M1AP: variants seen among roughly 807,000 people sequenced by gnomAD.
The protein encoded by M1AP is meiosis 1 arrest protein.
Under a neutral mutation model 51.2 loss-of-function variants are expected in M1AP, and 39 were observed. The ratio of observed to expected loss-of-function variants is 0.76; its 90% confidence interval spans 0.59 to 1.00. The LOEUF is 1.00. Among genes scored for constraint, M1AP ranks in the 50% least tolerant of loss-of-function variants. The pLI, the probability that M1AP is intolerant of heterozygous loss-of-function variation, is 0.00. For synonymous variants in M1AP, 251 were observed against 249.2 expected, an observed-to-expected ratio of 1.01 and a Z score of -0.07; for missense variants, 545 against 641.2, an observed-to-expected ratio of 0.85 and a Z score of 1.62.
chr2:74,608,601 A>G (rs1681151355), intron 3 of M1AP, among the ~76,000 whole-genome samples: 4 of 152,256 alleles, frequency 2.6e-5, no homozygotes, highest in Admixed American at 2.0e-4. Context: ...GTAAATACCA[A>G]GAAGCATGAT....
chr2:74,564,983 A>C (rs1046299842), intron 7 of M1AP, among the ~76,000 whole-genome samples: 4 of 152,174 alleles, frequency 2.6e-5, no homozygotes, highest in African/African-American at 9.7e-5. Context: ...CACTTTGGGA[A>C]GCTGAGGCGG....
At chr2:74,614,012 C>A (rs1422621045) in intron 3 of M1AP, among the ~76,000 whole-genome samples, 1 of 152,190 alleles carries the variant, frequency 6.6e-6, no homozygotes, top group African/African-American at 2.4e-5. Context: ...CTCTTGAACT[C>A]CTGGCCTCAA....
intron 1 of M1AP, chr2:74,647,989 G>C: frequency 1.0e-6 from 1 of 984,538 alleles, no homozygotes; most frequent in Non-Finnish European, 1.2e-6. Flanking sequence ...TGGCGGATCA[G>C]CAGCCCGGCC....
At chr2:74,611,885 T>TTTC (rs1681373485) in intron 3 of M1AP, among the ~76,000 whole-genome samples, 5 of 63,740 alleles carry the variant, frequency 7.8e-5, no homozygotes, top group Admixed American at 1.6e-4. Flanking sequence ...AAAAAGTGTT[T>TTTC]TTTTTTTTTT....
intron 2 of M1AP, among the ~76,000 whole-genome samples, chr2:74,624,526 G>A (rs1439259495): frequency 6.6e-6 from 1 of 152,040 alleles, no homozygotes; most frequent in Non-Finnish European, 1.5e-5. Flanking sequence ...TGCAGTTTAG[G>A]GAGGGGATTA....
At chr2:74,589,597 C>T (rs1202128154) in intron 4 of M1AP, among the ~76,000 whole-genome samples, 5 of 152,172 alleles carry the variant, frequency 3.3e-5, no homozygotes, top group Admixed American at 6.5e-5. Flanking sequence ...CCAGCTTTAC[C>T]GCTTATGCTT....
At position 74,576,503 on chromosome 2, in the gene M1AP, C is replaced by T. The variant is rs760700924; in HGVS notation, c.885G>A (p.Gln295=). Residue 295 remains glutamine, a synonymous_variant, in exon 6 of 11, where the codon CAG becomes CAA. Transcript: ENST00000421985. ...DPKGDFITLY[Q]MASQSSASHY... The stretch of plus-strand genomic sequence containing the variant: ...GAGAGGCCGATGACTGGGAAGCCAT[C>T]TGGTAGAGTGTGATGAAGTCTCCTT... The T allele has an allele frequency of 6.2e-7, 1 of 1,614,054 alleles. No individual in the cohort carries two copies. The highest frequency in any genetic ancestry group is 1.7e-5 in the Admixed American group (1 of 60,004).
intron 8 of M1AP, 67 bp from the exon 9 acceptor site, chr2:74,560,358 C>T (rs1313713947): frequency 2.3e-5 from 35 of 1,499,504 alleles, no homozygotes; most frequent in Admixed American, 8.7e-5. Flanking sequence ...TGTCAGGTAG[C>T]GATCCAGGAG....
At chr2:74,618,778 CA>C in intron 2 of M1AP, 1 of 261,750 alleles carries the variant, frequency 3.8e-6, no homozygotes, top group South Asian at 3.6e-5. Context: ...AAGAAGTCTT[CA>C]AAATGCCTCT....
intron 7 of M1AP, among the ~76,000 whole-genome samples, chr2:74,568,634 C>T (rs945847773): frequency 2.0e-5 from 3 of 152,208 alleles, no homozygotes; most frequent in African/African-American, 7.2e-5. Flanking sequence ...CCCCCAAACA[C>T]ATTTGCCAAA....
At chr2:74,595,343 C>T (rs1680267791) in intron 4 of M1AP, among the ~76,000 whole-genome samples, 1 of 151,960 alleles carries the variant, frequency 6.6e-6, no homozygotes, top group African/African-American at 2.4e-5. Flanking sequence ...TACATGTTTG[C>T]TTAAAGGCAA....
chr2:74,563,380 C>G lies in M1AP; in HGVS notation c.1075-957G>C, dbSNP rs566279917. ...TTGGGAGGCTGAGGCGGGTGGATCACCTGAGGTCAGGAGTTCTCGACCAGC... is the reference window on the plus strand; with the variant it reads ...TTGGGAGGCTGAGGCGGGTGGATCAGCTGAGGTCAGGAGTTCTCGACCAGC... On this transcript the variant is annotated intron_variant, in intron 7 of 10. Transcript: ENST00000421985. Among the ~76,000 whole-genome samples the G allele has an allele frequency of 3.6e-4, 55 of 152,088 alleles. No homozygotes were observed. In the South Asian group the frequency reaches 0.011, roughly 31 times the overall value.
At chr2:74,606,977 T>C (rs1399736849) in intron 4 of M1AP, 78 bp downstream of exon 4, 1 of 1,238,362 alleles carries the variant, frequency 8.1e-7, no homozygotes, top group South Asian at 1.3e-5. Context: ...ATGTGCCATG[T>C]TGGTGTGCTG....
At chr2:74,611,231 A>G (rs1681320439) in intron 3 of M1AP, among the ~76,000 whole-genome samples, 1 of 152,170 alleles carries the variant, frequency 6.6e-6, no homozygotes, top group Non-Finnish European at 1.5e-5. Flanking sequence ...TCAAGTTTGT[A>G]GAGTAGTTAA....
In M1AP at chr2:74,560,152, T is replaced by G; in HGVS notation, c.1421A>C (p.Lys474Thr). ...HPHWESRAPR[K>T]HPCKTGQLQT... The stretch of plus-strand genomic sequence containing the variant: ...AGGAGGGAAGGAGGGGAGCGGTACC[T>G]TTCTCGGAGCTCGGCTCTCCCAGTG... Residue 474 changes from lysine (K) to threonine (T), a missense_variant and splice_region_variant, in exon 9 of 11, where the codon AAG becomes ACG. Physicochemically the swap from Lys to Thr is moderately conservative, Grantham distance 78 (BLOSUM62 -1). Coordinates refer to ENST00000421985, the MANE Select transcript of M1AP (RefSeq NM_001321739.2). 6.2e-7 allele frequency: 1 copy of G among 1,613,436 alleles called. No individual in the cohort carries two copies. Among genetic ancestry groups the G allele is most frequent in the African/African-American group, 1.3e-5 (1 of 74,902 alleles).
chr2:74,621,239 G>A (rs1211174043), intron 2 of M1AP, among the ~76,000 whole-genome samples: 1 of 151,780 alleles, frequency 6.6e-6, no homozygotes, highest in Non-Finnish European at 1.5e-5. Flanking sequence ...CAGAGATCGC[G>A]CCACTGCACT....
intron 2 of M1AP, among the ~76,000 whole-genome samples, chr2:74,632,030 G>T (rs1682736432): frequency 6.6e-6 from 1 of 152,164 alleles, no homozygotes; most frequent in Admixed American, 6.5e-5. Context: ...CTATACGTAA[G>T]GTAATAGTAT....
chr2:74,616,124 T>C (rs895424020), intron 2 of M1AP, among the ~76,000 whole-genome samples: 11 of 152,088 alleles, frequency 7.2e-5, no homozygotes, highest in African/African-American at 2.7e-4. Context: ...CAAAGAAAAC[T>C]TGTAATCTAG....
intron 6 of M1AP, 150 bp downstream of exon 6, chr2:74,576,306 G>T: frequency 1.2e-6 from 1 of 804,906 alleles, no homozygotes; most frequent in Non-Finnish European, 1.9e-6. Flanking sequence ...GCCTGTCTTT[G>T]CTTCCTCATG....
Sources: allele counts gnomAD v4.1 joint callset (sites outside exome capture counted in the v4.1 genomes callset), GRCh38; gene constraint gnomAD v4.1.1; transcripts MANE v1.5; gene names NCBI Gene and HGNC (gene_info 2026-07-23, HGNC 2026-07-21).